The following PDE8B variants were observed in gnomAD, a reference collection of about 807,000 sequenced individuals.
PDE8B encodes the protein high affinity cAMP-specific and IBMX-insensitive 3',5'-cyclic phosphodiesterase 8B.
Under a neutral mutation model 101.3 loss-of-function variants are expected in PDE8B, and 26 were observed. The ratio of observed to expected loss-of-function variants is 0.26; its 90% CI spans 0.19 to 0.36. The LOEUF (loss-of-function observed/expected upper bound fraction) is 0.36, where lower values mean the gene tolerates loss of function less well. PDE8B is among the 10% of genes least tolerant of loss of function. The probability of loss-of-function intolerance (pLI) is 1.00; values close to 1 mark genes in which losing one functional copy is unlikely to be tolerated. For synonymous variants in PDE8B, 424 were observed against 429.3 expected, an observed-to-expected ratio of 0.99 and a Z score of 0.15; for missense variants, 810 against 1,163.1, an observed-to-expected ratio of 0.70 and a Z score of 4.42.
intron 2 of PDE8B, among the ~76,000 whole-genome samples, chr5:77,322,947 C>T (rs777114868): frequency 1.2e-4 from 18 of 152,172 alleles, no homozygotes; most frequent in Non-Finnish European, 2.2e-4. Flanking sequence ...TATATTCTTA[C>T]TGTATTAGTC....
intron 19 of PDE8B, 38 bp from the exon 20 acceptor site, chr5:77,421,783 A>G: frequency 1.2e-6 from 2 of 1,608,574 alleles, no homozygotes; most frequent in Non-Finnish European, 1.7e-6. Flanking sequence ...CTTCACCGTC[A>G]TCTTGAACCA....
At chr5:77,291,109 C>G in intron 1 of PDE8B, 1 of 1,610,912 alleles carries the variant, frequency 6.2e-7, no homozygotes, top group African/African-American at 1.3e-5. Context: ...TTTGAAGATG[C>G]AGACCTCAGC....
chr5:77,111,389 A>G, the PDE8B span, among the ~76,000 whole-genome samples: 1 of 152,212 alleles, frequency 6.6e-6, no homozygotes, highest in Non-Finnish European at 1.5e-5. Context: ...ATGGCCCCCA[A>G]AAGTCAATTA....
the PDE8B span, among the ~76,000 whole-genome samples, chr5:77,096,203 G>T: frequency 1.3e-5 from 2 of 152,134 alleles, no homozygotes; most frequent in Non-Finnish European, 2.9e-5. Context: ...TTGGCAGGCT[G>T]GTCTTGAACT....
intron 1 of PDE8B, among the ~76,000 whole-genome samples, chr5:77,289,366 GTTC>G (rs1488944583): frequency 6.6e-6 from 1 of 152,146 alleles, no homozygotes; most frequent in East Asian, 1.9e-4. Context: ...ATATTTATAG[GTTC>G]TTACCTTAAA....
At chr5:77,201,242 C>G in the PDE8B span, among the ~76,000 whole-genome samples, 1 of 152,196 alleles carries the variant, frequency 6.6e-6, no homozygotes, top group East Asian at 1.9e-4. Context: ...CCAAGGAAGT[C>G]TTGGCAGAAA....
At chr5:77,149,140 A>AT in the PDE8B span, among the ~76,000 whole-genome samples, 1 of 152,030 alleles carries the variant, frequency 6.6e-6, no homozygotes, top group East Asian at 1.9e-4. Flanking sequence ...TTCCCCATTG[A>AT]TTTTTTTGGC....
chr5:77,174,655 A>G, the PDE8B span, among the ~76,000 whole-genome samples: 32 of 152,232 alleles, frequency 2.1e-4, no homozygotes, highest in Admixed American at 1.0e-3. Context: ...TTTTCCTCCT[A>G]TCGCATGGGC....
chr5:77,092,410 G>T, the PDE8B span: 2 of 152,094 alleles, frequency 1.3e-5, no homozygotes, highest in South Asian at 4.1e-4. Flanking sequence ...ACAACCTTCA[G>T]TTCTTGCTTT....
Position 77,400,277 on chromosome 5 carries a change from C to T in PDE8B, c.1197C>T (p.Asp399=). 6.3e-7 allele frequency: 1 copy of T among 1,599,952 alleles called. No homozygotes were observed. Among genetic ancestry groups the T allele is most frequent in the East Asian group, 2.2e-5 (1 of 44,804 alleles). Residue 399 remains aspartate, a synonymous_variant, in exon 11 of 22, where the codon GAC becomes GAT. Coordinates refer to ENST00000264917, the MANE Select transcript of PDE8B (RefSeq NM_003719.5). ...QIHKIHRDSG[D]NSQTEPHSFR... ...ACAAGATTCATCGTGATTCAGGAGACAATTCTCAGACAGGTGAGAATACTT... is the reference window on the plus strand; with the variant it reads ...ACAAGATTCATCGTGATTCAGGAGATAATTCTCAGACAGGTGAGAATACTT...
In PDE8B at chr5:77,211,366, T is replaced by G. The variant is rs1580333901; in HGVS notation, c.339+102T>G. On this transcript the variant is annotated intron_variant, in intron 1 of 21. Coordinates refer to ENST00000264917, the MANE Select transcript of PDE8B (RefSeq NM_003719.5). This position sits in a 1 kb window ranked among gnomAD's most constrained non-coding sequence, Gnocchi z 4.1. ...GCGGAGTTGGGTGACCGTGAGGCGG[T>G]TGGTTTGGAGAGGTTGTCACTAAGG... 1 of 1,165,700 alleles carries G rather than the reference T, an allele frequency of 8.6e-7. No homozygotes were observed. Among genetic ancestry groups the G allele is most frequent in the Non-Finnish European group, 1.2e-6 (1 of 842,986 alleles). The allele number at this position is 1,165,700 out of a possible 1,614,324, so 72.2% of individuals were successfully genotyped here.
At chr5:77,360,283 G>A (rs55840258) in intron 10 of PDE8B, among the ~76,000 whole-genome samples, 1 of 151,568 alleles carries the variant, frequency 6.6e-6, no homozygotes, top group African/African-American at 2.4e-5. Flanking sequence ...AATTCCAAAG[G>A]TTGCACTTCT....
At chr5:77,408,794 T>A (rs1172673461) in intron 13 of PDE8B, 99 bp from the exon 14 acceptor site, 1 of 941,522 alleles carries the variant, frequency 1.1e-6, no homozygotes, top group Non-Finnish European at 1.7e-6. Context: ...GAATAAGAGA[T>A]GGTTACCCAC....
intron 1 of PDE8B, among the ~76,000 whole-genome samples, chr5:77,246,444 G>A (rs1016942957): frequency 5.9e-5 from 9 of 152,124 alleles, no homozygotes; most frequent in African/African-American, 1.4e-4. Context: ...CTGAGGTACC[G>A]GTCTGGCTCA....
At chr5:77,261,198 T>C (rs1393350334) in intron 1 of PDE8B, among the ~76,000 whole-genome samples, 1 of 152,066 alleles carries the variant, frequency 6.6e-6, no homozygotes, top group Non-Finnish European at 1.5e-5. Flanking sequence ...CTAGAGGAGG[T>C]AGTAAAACCA....
chr5:77,242,730 G>C (rs1196653252), intron 1 of PDE8B, among the ~76,000 whole-genome samples: 1 of 152,056 alleles, frequency 6.6e-6, no homozygotes, highest in Non-Finnish European at 1.5e-5. Flanking sequence ...GGAGTGCAGT[G>C]GCACAGTCTT....
chr5:77,127,913 G>A, the PDE8B span, among the ~76,000 whole-genome samples: 20 of 152,280 alleles, frequency 1.3e-4, no homozygotes, highest in Admixed American at 2.6e-4. Flanking sequence ...AAGGCTTGGC[G>A]TTCTGTCTCC....
At position 77,384,798 on chromosome 5, in the gene PDE8B, C is replaced by G. The variant is rs76866188; in HGVS notation, c.1168-15450C>G. Among the ~76,000 whole-genome samples, 7 of 152,252 alleles carry G rather than the reference C, an allele frequency of 4.6e-5. No individual in the cohort carries two copies. In the South Asian group the frequency reaches 1.0e-3, roughly 23 times the overall value. The stretch of plus-strand genomic sequence containing the variant: ...AGTTATTAATTTGCGTATGTCTAAC[C>G]AGCCATGCATCCCAGGGATGAAGCC... On this transcript the variant is annotated intron_variant, in intron 10 of 21. Transcript: ENST00000264917.
chr5:77,211,799 GTGTT>G lies in PDE8B; in HGVS notation c.339+537_339+540del, dbSNP rs1748483611. The stretch of plus-strand genomic sequence containing the variant: ...GGGATTTGTGAATGAATGAGTGTTC[GTGTT>G]TTAAGAGATGTGGGAACGGAGCAGA... On this transcript the variant is annotated intron_variant, in intron 1 of 21. Coordinates refer to ENST00000264917, the MANE Select transcript of PDE8B (RefSeq NM_003719.5). The surrounding 1 kb of genome is among the most constrained non-coding windows in gnomAD (Gnocchi z 4.1). 6.6e-6 allele frequency among the ~76,000 whole-genome samples: 1 copy of G among 152,188 alleles called. No individual in the cohort carries two copies.
Sources: gnomAD v4.1 joint callset for allele counts (sites outside exome capture counted in the v4.1 genomes callset) on GRCh38, gnomAD v4.1.1 for gene constraint, Gnocchi (gnomAD v3.1) non-coding constraint, MANE v1.5 for transcripts, NCBI Gene and HGNC (gene_info 2026-07-23, HGNC 2026-07-21) for gene names.